Variants in TMEM217B observed in about 807,000 individuals in gnomAD.
TMEM217B encodes transmembrane protein 217B.
chr6:37,257,767 T>C, the TMEM217B span: 3 of 787,146 alleles, frequency 3.8e-6, no homozygotes, highest in African/African-American at 5.2e-5. Context: ...GGTGGAGGGG[T>C]GCCCACATCC....
chr6:37,252,802 C>A, the TMEM217B span, among the ~76,000 whole-genome samples: 4 of 151,572 alleles, frequency 2.6e-5, no homozygotes, highest in Non-Finnish European at 5.9e-5. Flanking sequence ...CCACACTCCA[C>A]TAATTTTTTG....
At chr6:37,214,450 C>A in the TMEM217B span, among the ~76,000 whole-genome samples, 1 of 152,152 alleles carries the variant, frequency 6.6e-6, no homozygotes, top group South Asian at 2.1e-4. Flanking sequence ...TGGTCTTGAA[C>A]CCCTGACCAC....
the TMEM217B span, among the ~76,000 whole-genome samples, chr6:37,232,758 C>T: frequency 1.4e-4 from 22 of 152,336 alleles, no homozygotes; most frequent in South Asian, 4.1e-4. Flanking sequence ...TCCTGCCCTC[C>T]GCGGAATCTT....
the TMEM217B span, chr6:37,218,643 A>T: frequency 1.9e-6 from 3 of 1,614,178 alleles, no homozygotes; most frequent in Non-Finnish European, 2.5e-6. Flanking sequence ...ACCAAGCCAA[A>T]CCAGCGCATG....
the TMEM217B span, among the ~76,000 whole-genome samples, chr6:37,229,347 T>TTTTTTTG: frequency 1.5e-5 from 2 of 131,136 alleles, no homozygotes; most frequent in Non-Finnish European, 3.2e-5. Flanking sequence ...TTTTTTTTTT[T>TTTTTTTG]TTTTTTTTTT....
chr6:37,257,762 A>AG, the TMEM217B span: 14 of 751,988 alleles, frequency 1.9e-5, no homozygotes, highest in South Asian at 1.2e-4. Flanking sequence ...TGCTGGGTGG[A>AG]GGGGTGCCCA....
chr6:37,224,226 A>G, the TMEM217B span, among the ~76,000 whole-genome samples: 1 of 149,550 alleles, frequency 6.7e-6, no homozygotes, highest in African/African-American at 2.5e-5. Flanking sequence ...GGCGTGAGCC[A>G]CCGCGCCCGG....
At chr6:37,246,991 T>A in the TMEM217B span, among the ~76,000 whole-genome samples, 2 of 152,148 alleles carry the variant, frequency 1.3e-5, no homozygotes, top group African/African-American at 4.8e-5. Context: ...GAGTTTGGAT[T>A]TCATTCTAAG....
At chr6:37,225,697 C>T in the TMEM217B span, among the ~76,000 whole-genome samples, 1,876 of 152,340 alleles carry the variant, frequency 0.012, 30 homozygotes, top group Middle Eastern at 0.068. Flanking sequence ...TGTCTCCCAA[C>T]ATTCATTTCT....
chr6:37,216,756 G>T, the TMEM217B span, among the ~76,000 whole-genome samples: 1 of 152,164 alleles, frequency 6.6e-6, no homozygotes, highest in Admixed American at 6.5e-5. Flanking sequence ...GGGCCTTTAG[G>T]AGGTGATTGA....
At chr6:37,246,827 T>C in the TMEM217B span, among the ~76,000 whole-genome samples, 13 of 150,708 alleles carry the variant, frequency 8.6e-5, no homozygotes, top group Non-Finnish European at 1.9e-4. Context: ...TGCTTGAGCA[T>C]GGGAGGTCAA....
chr6:37,226,357 A>G, the TMEM217B span, among the ~76,000 whole-genome samples: 2 of 122,558 alleles, frequency 1.6e-5, no homozygotes, highest in African/African-American at 6.4e-5. Context: ...CAGTGGCGCT[A>G]TCTTGGCTCA....
chr6:37,243,658 G>T, the TMEM217B span, among the ~76,000 whole-genome samples: 1 of 152,184 alleles, frequency 6.6e-6, no homozygotes, highest in African/African-American at 2.4e-5. Context: ...GAGTGCAATG[G>T]CATGATCTCG....
At chr6:37,257,707 T>C in the TMEM217B span, 2 of 546,862 alleles carry the variant, frequency 3.7e-6, no homozygotes, top group East Asian at 3.4e-5. Flanking sequence ...CGGCTCCCAA[T>C]TGGTCGGCCC....
chr6:37,215,183 T>C, the TMEM217B span: 1 of 1,612,666 alleles, frequency 6.2e-7, no homozygotes, highest in Non-Finnish European at 8.5e-7. Flanking sequence ...TACATTCTAT[T>C]CATTCAATAC....
the TMEM217B span, chr6:37,212,528 A>T: frequency 2.2e-6 from 1 of 457,942 alleles, no homozygotes; most frequent in Non-Finnish European, 4.4e-6. Flanking sequence ...GATTCCTTGT[A>T]AAGGTTGTAT....
At chr6:37,248,379 T>C in the TMEM217B span, among the ~76,000 whole-genome samples, 465 of 152,360 alleles carry the variant, frequency 3.1e-3, 3 homozygotes, top group Non-Finnish European at 3.3e-3. Flanking sequence ...CAGTGCTGCA[T>C]TGAATTGAGG....
At chr6:37,246,674 G>A in the TMEM217B span, among the ~76,000 whole-genome samples, 4 of 152,106 alleles carry the variant, frequency 2.6e-5, no homozygotes, top group Non-Finnish European at 5.9e-5. Flanking sequence ...AGGCTGAGGC[G>A]GGAGGATCAC....
At chr6:37,229,753 C>T in the TMEM217B span, among the ~76,000 whole-genome samples, 2 of 152,202 alleles carry the variant, frequency 1.3e-5, no homozygotes, top group South Asian at 4.1e-4. Flanking sequence ...CCTTAATGTG[C>T]TGACTCTGCA....
Sources: allele counts gnomAD v4.1 joint callset (sites outside exome capture counted in the v4.1 genomes callset), GRCh38; gene constraint gnomAD v4.1.1; transcripts MANE v1.5; gene names NCBI Gene and HGNC (gene_info 2026-07-23, HGNC 2026-07-21).